PACRG: variants seen among roughly 807,000 people sequenced by gnomAD.
PACRG encodes parkin coregulated gene protein.
PACRG carries 29 observed loss-of-function variants against 29.7 expected under a neutral mutation model. The ratio of observed to expected loss-of-function variants is 0.98; its 90% confidence interval spans 0.73 to 1.33. PACRG has a LOEUF of 1.33. Among genes scored for constraint, PACRG ranks in the 40% most tolerant of loss-of-function variants. The pLI is 0.00. For missense variants in PACRG, 279 were observed against 316.2 expected, an observed-to-expected ratio of 0.88 and a Z score of 0.89; for synonymous variants, 116 against 118.7, an observed-to-expected ratio of 0.98 and a Z score of 0.15.
chr6:162,940,952 T>C (rs149052164), intron 2 of PACRG, among the ~76,000 whole-genome samples: 1 of 152,302 alleles, frequency 6.6e-6, no homozygotes, highest in Non-Finnish European at 1.5e-5. Flanking sequence ...TGGAAAAATG[T>C]ACCAATCCTT....
intron 2 of PACRG, among the ~76,000 whole-genome samples, chr6:162,895,104 C>G (rs113284634): frequency 2.1e-5 from 3 of 144,478 alleles, no homozygotes; most frequent in African/African-American, 2.5e-5. Context: ...TCTACCCCCC[C>G]GCCCCCAAAA....
intron 4 of PACRG, among the ~76,000 whole-genome samples, chr6:163,254,318 G>T (rs909623483): frequency 6.6e-6 from 1 of 152,178 alleles, no homozygotes; most frequent in Non-Finnish European, 1.5e-5. Flanking sequence ...GCTGATGAAG[G>T]GGGAGGAGGA....
In PACRG at chr6:163,225,960, C is replaced by T. The variant is rs192477862; in HGVS notation, c.614-88867C>T. On this transcript the variant is annotated intron_variant, in intron 4 of 4. Transcript: ENST00000366888. ...TTGAGAGGCTGAGGCAGGAGGATCACTTGAGTGCAGGAGTTTCAGACCAGC... is the reference window on the plus strand; with the variant it reads ...TTGAGAGGCTGAGGCAGGAGGATCATTTGAGTGCAGGAGTTTCAGACCAGC... Among the ~76,000 whole-genome samples the T allele has an allele frequency of 4.2e-3, 637 of 152,276 alleles. 12 individuals carry two copies. The highest frequency in any genetic ancestry group is 0.024 in the Middle Eastern group (7 of 294).
intron 2 of PACRG, among the ~76,000 whole-genome samples, chr6:163,021,673 C>A (rs1398869310): frequency 1.3e-5 from 2 of 152,176 alleles, no homozygotes; most frequent in Non-Finnish European, 1.5e-5. Flanking sequence ...GACCTGGCTC[C>A]TTCCCTGAAG....
chr6:162,771,794 G>T (rs1304670671), intron 1 of PACRG, among the ~76,000 whole-genome samples: 2 of 152,096 alleles, frequency 1.3e-5, no homozygotes, highest in Non-Finnish European at 2.9e-5. Context: ...TAAGAAAAGT[G>T]TATTCCATTT....
intron 4 of PACRG, among the ~76,000 whole-genome samples, chr6:163,237,344 G>A (rs541424688): frequency 6.6e-6 from 1 of 152,162 alleles, no homozygotes; most frequent in South Asian, 2.1e-4. Flanking sequence ...CTAATTTGCA[G>A]TAATTTTATT....
At chr6:163,050,049 C>T (rs1809833905) in intron 2 of PACRG, among the ~76,000 whole-genome samples, 1 of 151,956 alleles carries the variant, frequency 6.6e-6, no homozygotes, top group South Asian at 2.1e-4. Flanking sequence ...GACATTTTCC[C>T]TTTTATGATA....
chr6:162,780,016 A>G (rs1783971132), intron 1 of PACRG, among the ~76,000 whole-genome samples: 1 of 152,242 alleles, frequency 6.6e-6, no homozygotes, highest in East Asian at 1.9e-4. Flanking sequence ...TAAGTCGGCT[A>G]GAATTCACAG....
intron 4 of PACRG, among the ~76,000 whole-genome samples, chr6:163,217,819 A>G (rs982202813): frequency 1.3e-5 from 2 of 151,610 alleles, no homozygotes; most frequent in African/African-American, 2.4e-5. Context: ...ACTGTCTCCC[A>G]TCACCCCATC....
intron 4 of PACRG, among the ~76,000 whole-genome samples, chr6:163,252,372 G>C (rs1423163035): frequency 6.6e-6 from 1 of 152,270 alleles, no homozygotes; most frequent in Admixed American, 6.5e-5. Flanking sequence ...TGAGCAGCAG[G>C]GGGGCGACAT....
At chr6:162,947,649 C>T (rs4709659) in intron 2 of PACRG, among the ~76,000 whole-genome samples, 18,353 of 27,896 alleles carry the variant, frequency 0.66, 5,638 homozygotes, top group Middle Eastern at 0.83. Flanking sequence ...TATATATATA[C>T]ACCCAAAGAT....
chr6:163,188,819 T>C (rs1194451166), intron 4 of PACRG, among the ~76,000 whole-genome samples: 1 of 152,234 alleles, frequency 6.6e-6, no homozygotes, highest in African/African-American at 2.4e-5. Context: ...CCAGATAGCA[T>C]TCAGTAGAGG....
chr6:163,157,702 A>G (rs1778381727), intron 4 of PACRG, among the ~76,000 whole-genome samples: 4 of 152,254 alleles, frequency 2.6e-5, no homozygotes, highest in Admixed American at 2.0e-4. Flanking sequence ...ACACGAACCA[A>G]TGTTTCACTT....
At chr6:163,096,480 C>T (rs770150884) in intron 4 of PACRG, among the ~76,000 whole-genome samples, 2 of 152,136 alleles carry the variant, frequency 1.3e-5, no homozygotes, top group African/African-American at 2.4e-5. Context: ...ATGCAGCTGC[C>T]GAGCACAGCA....
At chr6:162,812,364 C>G (rs899119403) in intron 1 of PACRG, among the ~76,000 whole-genome samples, 4 of 152,000 alleles carry the variant, frequency 2.6e-5, no homozygotes, top group African/African-American at 9.7e-5. Flanking sequence ...CAGTGTTCTA[C>G]AATAACAATA....
intron 2 of PACRG, among the ~76,000 whole-genome samples, chr6:163,033,580 A>T (rs1807871048): frequency 6.6e-6 from 1 of 152,234 alleles, no homozygotes; most frequent in Non-Finnish European, 1.5e-5. Flanking sequence ...TTCTGACAAA[A>T]TATTTGATTT....
intron 1 of PACRG, among the ~76,000 whole-genome samples, chr6:162,765,041 G>T (rs1782675134): frequency 6.6e-6 from 1 of 152,020 alleles, no homozygotes; most frequent in Non-Finnish European, 1.5e-5. Flanking sequence ...ACCGTGCCCG[G>T]CCTGGAAACC....
chr6:163,083,336 CT>C (rs1190813232), intron 3 of PACRG, among the ~76,000 whole-genome samples: 6 of 152,150 alleles, frequency 3.9e-5, no homozygotes, highest in African/African-American at 1.4e-4. Context: ...TGTGTATCAC[CT>C]CTCTGTGACC....
Position 163,245,220 on chromosome 6 carries a change from G to T in PACRG, c.614-69607G>T, listed in dbSNP as rs1782648019. 3.8e-5 allele frequency: 9 copies of T among 237,524 alleles called. No homozygotes were observed. The South Asian group carries it at 4.0e-4, about 11-fold the overall frequency. 14.7% of individuals were successfully genotyped at this position (237,524 alleles called of 1,614,324 possible). ...GTACATTTAGTAATAGTTTATTATG[G>T]CTTTATCTTTTAAAGTCTACTTTCG... On this transcript the variant is annotated intron_variant, in intron 4 of 4. Coordinates refer to ENST00000366888, the MANE Select transcript of PACRG (RefSeq NM_001080379.2).
Sources: allele counts gnomAD v4.1 joint callset (sites outside exome capture counted in the v4.1 genomes callset), GRCh38; gene constraint gnomAD v4.1.1; transcripts MANE v1.5; gene names NCBI Gene and HGNC (gene_info 2026-07-23, HGNC 2026-07-21).